The following BCL9 variants were observed in gnomAD, a reference collection of about 807,000 sequenced individuals.
BCL9 encodes the protein B-cell CLL/lymphoma 9 protein.
Under a neutral mutation model 88.5 loss-of-function variants are expected in BCL9, and 25 were observed. The ratio of observed to expected loss-of-function variants is 0.28; its 90% CI spans 0.21 to 0.39. The LOEUF (loss-of-function observed/expected upper bound fraction) is 0.39. BCL9 is among the 10% of genes least tolerant of loss of function. The probability of loss-of-function intolerance (pLI) is 1.00; values close to 1 mark genes in which losing one functional copy is unlikely to be tolerated. For synonymous variants in BCL9, 711 were observed against 673.3 expected, an observed-to-expected ratio of 1.06 and a Z score of -0.87; for missense variants, 1,817 against 1,877.8, an observed-to-expected ratio of 0.97 and a Z score of 0.60.
chr1:147,597,733 T>C (rs1657118340), intron 1 of BCL9, among the ~76,000 whole-genome samples: 1 of 152,244 alleles, frequency 6.6e-6, no homozygotes, highest in Non-Finnish European at 1.5e-5. Context: ...ATGTGCAATG[T>C]AGCTAAATTA....
chr1:147,573,277 C>T (rs587663375), intron 1 of BCL9, among the ~76,000 whole-genome samples: 75 of 152,226 alleles, frequency 4.9e-4, no homozygotes, highest in Non-Finnish European at 1.8e-4. Flanking sequence ...ATGGTGAAAC[C>T]CCATCTCCAC....
Position 147,620,997 on chromosome 1 carries a change from C to T in BCL9, c.2842C>T (p.Pro948Ser). ...KPPLQSPGIPPNHKAPLTMAS... is the reference protein window; with the variant it reads ...KPPLQSPGIPSNHKAPLTMAS... ...TCCCCTTCAGAGTCCTGGGATCCCT[C>T]CAAACCATAAAGCACCCCTCACCAT... The change falls in exon 8 of 10, where the codon CCA (proline) becomes TCA (serine). Residue 948 changes from proline (P) to serine (S), a missense_variant. By Grantham distance (74) the Pro-to-Ser change is moderately conservative. Around this residue, in one of 2 missense-constraint regions of BCL9, gnomAD observed 589 missense variants for 686.2 expected, o/e 0.86. Coordinates refer to ENST00000234739, the MANE Select transcript of BCL9 (RefSeq NM_004326.4). 1 of 1,614,198 alleles carries T rather than the reference C, an allele frequency of 6.2e-7. No homozygotes were observed. The highest frequency in any genetic ancestry group is 1.1e-5 in the South Asian group (1 of 91,084).
At chr1:147,601,004 A>C (rs1394654350) in intron 1 of BCL9, among the ~76,000 whole-genome samples, 1 of 152,142 alleles carries the variant, frequency 6.6e-6, no homozygotes, top group Non-Finnish European at 1.5e-5. Flanking sequence ...AGATATCCTA[A>C]GTAAAACAAC....
chr1:147,610,438 T>C (rs1230482418), intron 3 of BCL9, among the ~76,000 whole-genome samples: 1 of 152,212 alleles, frequency 6.6e-6, no homozygotes, highest in African/African-American at 2.4e-5. Context: ...AATAGACCTT[T>C]AACATGTGAC....
At position 147,622,411 on chromosome 1, in the gene BCL9, A is replaced by G; in HGVS notation, c.3043A>G (p.Lys1015Glu). ...PLSIMMSRMS[K>E]FAMPSSTPLY... The stretch of plus-strand genomic sequence containing the variant: ...CTCTATTATGATGTCTCGAATGTCC[A>G]AGTTTGCAATGCCCAGTTCCACCCC... The change falls in exon 9 of 10, where the codon AAG (lysine) becomes GAG (glutamate). Residue 1015 changes from lysine (K) to glutamate (E), a missense_variant. Around this residue, in one of 2 missense-constraint regions of BCL9, gnomAD observed 589 missense variants for 686.2 expected, o/e 0.86. Coordinates refer to ENST00000234739, the MANE Select transcript of BCL9 (RefSeq NM_004326.4). 6.2e-7 allele frequency: 1 copy of G among 1,614,116 alleles called. No individual in the cohort carries two copies. Among genetic ancestry groups the G allele is most frequent in the South Asian group, 1.1e-5 (1 of 91,086 alleles).
intron 1 of BCL9, among the ~76,000 whole-genome samples, chr1:147,571,448 A>G (rs587768730): frequency 6.6e-6 from 1 of 152,224 alleles, no homozygotes; most frequent in East Asian, 1.9e-4. Context: ...CTAATCTCCA[A>G]AAAAGTAGCT....
chr1:147,615,030 G>C (rs1026990618), intron 6 of BCL9, among the ~76,000 whole-genome samples: 6 of 151,846 alleles, frequency 4.0e-5, no homozygotes, highest in Non-Finnish European at 7.4e-5. Context: ...TAGTAGAGAT[G>C]GGGTTTCACC....
chr1:147,570,728 C>T (rs1204449472), intron 1 of BCL9, among the ~76,000 whole-genome samples: 1 of 150,026 alleles, frequency 6.7e-6, no homozygotes, highest in Non-Finnish European at 1.5e-5. Context: ...CTCTGCCTCC[C>T]GGGTTCAAGC....
chr1:147,550,320 A>G (rs1246600094), intron 1 of BCL9, among the ~76,000 whole-genome samples: 1 of 152,204 alleles, frequency 6.6e-6, no homozygotes, highest in African/African-American at 2.4e-5. Flanking sequence ...GGCAATGAAT[A>G]TATTTGACAC....
At position 147,544,439 on chromosome 1, in the gene BCL9, T is replaced by TTA. The variant is rs1356960673; in HGVS notation, c.-478+2766_-478+2767dup. Among the ~76,000 whole-genome samples the TTA allele has an allele frequency of 2.0e-5, 3 of 152,308 alleles. No individual in the cohort carries two copies. In the East Asian group the frequency reaches 5.8e-4, roughly 29 times the overall value. On this transcript the variant is annotated intron_variant, in intron 1 of 9. Coordinates refer to ENST00000234739, the MANE Select transcript of BCL9 (RefSeq NM_004326.4). ...CCATCCTTCACTCTCTCTCTTTTTC[T>TTA]TAGCACACAGACCAACAAATAATAT...
chr1:147,560,005 CT>C (rs1655303537), intron 1 of BCL9, among the ~76,000 whole-genome samples: 1 of 152,164 alleles, frequency 6.6e-6, no homozygotes. Context: ...CACTCTCTTC[CT>C]CTAGGATATG....
At chr1:147,549,739 C>T (rs1351446645) in intron 1 of BCL9, among the ~76,000 whole-genome samples, 2 of 152,202 alleles carry the variant, frequency 1.3e-5, no homozygotes, top group African/African-American at 2.4e-5. Flanking sequence ...ATAGAGCCTG[C>T]AATCAAGACT....
intron 1 of BCL9, among the ~76,000 whole-genome samples, chr1:147,567,797 C>G (rs781814010): frequency 6.6e-6 from 1 of 152,080 alleles, no homozygotes; most frequent in Non-Finnish European, 1.5e-5. Flanking sequence ...TGCTAGGAAC[C>G]AATCTCTCCT....
In BCL9 at chr1:147,580,555, C is replaced by T. The variant is rs147911841; in HGVS notation, c.-477-24222C>T. Among the ~76,000 whole-genome samples, 862 of 152,268 alleles carry T rather than the reference C, an allele frequency of 5.7e-3. 10 individuals are homozygous for T. Among genetic ancestry groups the T allele is most frequent in the African/African-American group, 0.02 (823 of 41,550 alleles). ...GGTTTGTGGTCTTAAAGAGTTTAGA[C>T]TTAATTTTGAAAGCATAAACATGCC... On this transcript the variant is annotated intron_variant, in intron 1 of 9. Coordinates refer to ENST00000234739, the MANE Select transcript of BCL9 (RefSeq NM_004326.4).
chr1:147,571,919 A>T (rs781994474), intron 1 of BCL9, among the ~76,000 whole-genome samples: 11 of 152,140 alleles, frequency 7.2e-5, no homozygotes, highest in Non-Finnish European at 1.3e-4. Flanking sequence ...ACGTTTATTG[A>T]GCACCTACTA....
intron 1 of BCL9, among the ~76,000 whole-genome samples, chr1:147,543,371 T>G (rs1273810556): frequency 6.6e-6 from 1 of 152,208 alleles, no homozygotes; most frequent in Non-Finnish European, 1.5e-5. Context: ...ACTGACTCCC[T>G]GTGATAGCTG....
chr1:147,546,830 A>G (rs782423956), intron 1 of BCL9, among the ~76,000 whole-genome samples: 5 of 152,204 alleles, frequency 3.3e-5, no homozygotes, highest in Non-Finnish European at 7.4e-5. Context: ...ATCCTTTAGG[A>G]GAAATTGCCA....
Position 147,624,045 on chromosome 1 carries a change from G to A in BCL9, c.3367G>A (p.Gly1123Arg). 9 of 1,614,100 alleles carry A rather than the reference G, an allele frequency of 5.6e-6. No homozygotes were observed. Among genetic ancestry groups the A allele is most frequent in the Non-Finnish European group, 7.6e-6 (9 of 1,179,964 alleles). The stretch of plus-strand genomic sequence containing the variant: ...GTCACACAATCCTATCATGGGGCAT[G>A]GGTCCCAGGAGCCACCGATGGTACC... Reference protein sequence around the residue: ...LMSHNPIMGHGSQEPPMVPQG... With the variant: ...LMSHNPIMGHRSQEPPMVPQG... Residue 1123 changes from glycine (G) to arginine (R), a missense_variant, in exon 10 of 10, where the codon GGG (glycine) becomes AGG (arginine). By Grantham distance (125) the Gly-to-Arg change is moderately radical (BLOSUM62 -2). Around this residue, in one of 2 missense-constraint regions of BCL9, gnomAD observed 589 missense variants for 686.2 expected, o/e 0.86. Transcript: ENST00000234739. The surrounding 1 kb of genome is among the most constrained non-coding windows in gnomAD (Gnocchi z 4.4).
intron 1 of BCL9, among the ~76,000 whole-genome samples, chr1:147,547,094 A>G (rs1186360481): frequency 1.3e-5 from 2 of 152,158 alleles, no homozygotes; most frequent in African/African-American, 4.8e-5. Context: ...TATGCGTTTA[A>G]CACTATGCTT....
Sources: gnomAD v4.1 joint callset for allele counts (sites outside exome capture counted in the v4.1 genomes callset) on GRCh38, gnomAD v4.1.1 for gene constraint, gnomAD v4.1.1 regional missense constraint, Gnocchi (gnomAD v3.1) non-coding constraint, MANE v1.5 for transcripts, NCBI Gene and HGNC (gene_info 2026-07-23, HGNC 2026-07-21) for gene names.